Variants in IDE observed in about 807,000 individuals in gnomAD.
The protein encoded by IDE is insulin-degrading enzyme.
In IDE, 58 loss-of-function variants were observed where a neutral mutation model predicts 133.2. The observed-to-expected ratio is 0.44, with a 90% CI of 0.35 to 0.54. The LOEUF (loss-of-function observed/expected upper bound fraction) is 0.54, where lower values mean the gene tolerates loss of function less well. IDE is among the 20% of genes least tolerant of loss of function. IDE has a pLI of 0.00. For synonymous variants in IDE, 396 were observed against 421.3 expected, an observed-to-expected ratio of 0.94 and a Z score of 0.73; for missense variants, 981 against 1,234.0, an observed-to-expected ratio of 0.79 and a Z score of 3.07.
chr10:92,539,312 A>G lies in IDE; in HGVS notation c.99-1762T>C, dbSNP rs544750116. 1.0e-3 allele frequency among the ~76,000 whole-genome samples: 152 copies of G among 152,306 alleles called. 2 individuals are homozygous for G. Among genetic ancestry groups the G allele is most frequent in the African/African-American group, 3.5e-3 (144 of 41,570 alleles). ...GTATAATACTGGTTTTAAAAATCAC[A>G]TAGTACTTTACAACAGATAGTGCTA... On this transcript the variant is annotated intron_variant, in intron 1 of 24. Coordinates refer to ENST00000265986, the MANE Select transcript of IDE (RefSeq NM_004969.4).
At chr10:92,484,447 G>A (rs935645221) in intron 13 of IDE, among the ~76,000 whole-genome samples, 1 of 151,840 alleles carries the variant, frequency 6.6e-6, no homozygotes, top group African/African-American at 2.4e-5. Context: ...GAAACTGTGT[G>A]TGAGATACGG....
rs373365512 is a variant in IDE, at chr10:92,500,893, T to C, written c.1430+3901A>G. ...CCATCTCTACTGAAAACACAAAAATTAGCTGGGCGTGGTGGCATACACCTG... is the reference window on the plus strand; with the variant it reads ...CCATCTCTACTGAAAACACAAAAATCAGCTGGGCGTGGTGGCATACACCTG... On this transcript the variant is annotated intron_variant, in intron 11 of 24. Transcript: ENST00000265986. 1.8e-4 allele frequency among the ~76,000 whole-genome samples: 27 copies of C among 151,926 alleles called. No individual in the cohort carries two copies. The South Asian group carries it at 4.6e-3, about 26-fold the overall frequency.
rs769556013 is a variant in IDE at position 92,454,500 on chromosome 10, G to C, written c.3004C>G (p.Leu1002Val). Residue 1002 changes from leucine (L) to valine (V), a missense_variant, in exon 25 of 25, where the codon CTG becomes GTG. This residue lies in a region of IDE where 660 missense variants were observed against 894.7 expected (regional missense o/e 0.74). Transcript: ENST00000265986. ...IQNMTEFKRG[L>V]PLFPLVKPHI... is the part of the protein sequence containing the mutation. ...GGTTTCACAAGGGGAAACAGTGGCA[G>C]ACCACGCTTGAATTCGGTCATGTTC... 1 of 1,613,966 alleles carries C rather than the reference G, an allele frequency of 6.2e-7. No individual in the cohort carries two copies. The highest frequency in any genetic ancestry group is 1.3e-5 in the African/African-American group (1 of 75,052).
chr10:92,495,180 C>A (rs931689081), intron 11 of IDE, among the ~76,000 whole-genome samples: 3 of 146,926 alleles, frequency 2.0e-5, no homozygotes, highest in African/African-American at 7.6e-5. Context: ...TCTCCTGCCT[C>A]GGCTTCCATA....
intron 5 of IDE, among the ~76,000 whole-genome samples, chr10:92,511,372 G>C (rs1368666972): frequency 6.6e-6 from 1 of 152,024 alleles, no homozygotes; most frequent in Non-Finnish European, 1.5e-5. Flanking sequence ...CAAAGTGCTG[G>C]AATTACAGAT....
At chr10:92,511,102 CTTT>C (rs749758838) in intron 5 of IDE, among the ~76,000 whole-genome samples, 8 of 105,418 alleles carry the variant, frequency 7.6e-5, no homozygotes, top group African/African-American at 1.5e-4. Context: ...AAAAAAAAAA[CTTT>C]TTTTTTTTTT....
intron 12 of IDE, among the ~76,000 whole-genome samples, chr10:92,488,403 A>G (rs1847132222): frequency 6.6e-6 from 1 of 152,136 alleles, no homozygotes; most frequent in Non-Finnish European, 1.5e-5. Flanking sequence ...GGCTTTCAGT[A>G]CTTCTTAAGA....
intron 11 of IDE, among the ~76,000 whole-genome samples, chr10:92,501,399 C>T (rs1435320249): frequency 1.6e-5 from 2 of 124,922 alleles, no homozygotes; most frequent in Non-Finnish European, 3.2e-5. Flanking sequence ...AAAGCCGGTG[C>T]ATTGGCTCAC....
At chr10:92,559,737 A>AT (rs67531776) in intron 1 of IDE, among the ~76,000 whole-genome samples, 6,831 of 134,044 alleles carry the variant, frequency 0.051, 380 homozygotes, top group African/African-American at 0.13. Flanking sequence ...TGAATGGTAT[A>AT]TTTTTTTTTT....
intron 1 of IDE, among the ~76,000 whole-genome samples, chr10:92,566,620 G>C (rs1261235444): frequency 6.6e-6 from 1 of 151,892 alleles, no homozygotes; most frequent in African/African-American, 2.4e-5. Flanking sequence ...GGGAAGGGTA[G>C]TGGGTGGTTG....
At chr10:92,566,192 CAAA>C (rs5787005) in intron 1 of IDE, among the ~76,000 whole-genome samples, 1 of 126,966 alleles carries the variant, frequency 7.9e-6, no homozygotes, top group Non-Finnish European at 1.7e-5. Context: ...CCTGTCTCTA[CAAA>C]AAAAAAAAAA....
chr10:92,482,970 C>T (rs568872208), intron 14 of IDE, among the ~76,000 whole-genome samples: 21 of 151,990 alleles, frequency 1.4e-4, no homozygotes, highest in East Asian at 5.8e-4. Flanking sequence ...TTAGTAGAGA[C>T]GGGGTTTCAC....
chr10:92,503,604 T>C (rs11187037), intron 11 of IDE, among the ~76,000 whole-genome samples: 15,142 of 152,132 alleles, frequency 0.1, 877 homozygotes, highest in South Asian at 0.17. Context: ...CTAAACAGTA[T>C]AGTGCAAGTC....
At position 92,464,017 on chromosome 10, in the gene IDE, A is replaced by G. The variant is rs1440385058; in HGVS notation, c.2489-14T>C. 1.9e-6 allele frequency: 3 copies of G among 1,605,390 alleles called. No individual in the cohort carries two copies. The African/African-American group carries it at 4.0e-5, about 21-fold the overall frequency. ...AGACGATATAGCCTGAAACACAGAC[A>G]TCAGCCAGTCATGACCGTGGCATTT... On this transcript the variant is annotated splice_polypyrimidine_tract_variant and intron_variant, in intron 20 of 24. Coordinates refer to ENST00000265986, the MANE Select transcript of IDE (RefSeq NM_004969.4).
At chr10:92,458,252 G>A (rs924749947) in intron 22 of IDE, among the ~76,000 whole-genome samples, 1 of 152,158 alleles carries the variant, frequency 6.6e-6, no homozygotes, top group African/African-American at 2.4e-5. Flanking sequence ...AATCAGTTTA[G>A]AAAATGTTAG....
At position 92,531,605 on chromosome 10, in the gene IDE, T is replaced by C. The variant is rs1478483604; in HGVS notation, c.661+143A>G. 3 of 321,602 alleles carry C rather than the reference T, an allele frequency of 9.3e-6. No homozygotes were observed. In the East Asian group the frequency reaches 1.9e-4, roughly 21 times the overall value. The allele number at this position is 321,602 out of a possible 1,614,324, so 19.9% of individuals were successfully genotyped here. On this transcript the variant is annotated intron_variant, in intron 4 of 24. Transcript: ENST00000265986. Reference sequence around the variant, plus strand: ...GTGGAATTTTGAAATCTATCCTGAATTGTAAAATATGCCATGAACTGTATA... The same window carrying C: ...GTGGAATTTTGAAATCTATCCTGAACTGTAAAATATGCCATGAACTGTATA...
chr10:92,478,468 T>G (rs1846404891), intron 15 of IDE, among the ~76,000 whole-genome samples: 2 of 152,196 alleles, frequency 1.3e-5, no homozygotes, highest in South Asian at 4.1e-4. Context: ...GCACTAAACT[T>G]TATTAAATCA....
In IDE at chr10:92,508,221, G is replaced by A; in HGVS notation, c.1061-16C>T. 1 of 1,596,952 alleles carries A rather than the reference G, an allele frequency of 6.3e-7. No individual in the cohort carries two copies. On this transcript the variant is annotated splice_polypyrimidine_tract_variant and intron_variant, in intron 7 of 24. Coordinates refer to ENST00000265986, the MANE Select transcript of IDE (RefSeq NM_004969.4). ...TTAACCCAGCCTGCAACATTCAAAGGAAATCAATACGATTGATTGCATATG... is the reference window on the plus strand; with the variant it reads ...TTAACCCAGCCTGCAACATTCAAAGAAAATCAATACGATTGATTGCATATG...
chr10:92,511,888 T>G (rs1160305706), intron 5 of IDE, among the ~76,000 whole-genome samples: 2 of 152,178 alleles, frequency 1.3e-5, no homozygotes, highest in Non-Finnish European at 2.9e-5. Flanking sequence ...TTTGTGGGCC[T>G]GCAGTACTGG....
Sources: allele counts gnomAD v4.1 joint callset (sites outside exome capture counted in the v4.1 genomes callset), GRCh38; gene constraint gnomAD v4.1.1; regional missense constraint gnomAD v4.1.1; transcripts MANE v1.5; gene names NCBI Gene and HGNC (gene_info 2026-07-23, HGNC 2026-07-21).